The following CADM2 variants were observed in gnomAD, a reference collection of about 807,000 sequenced individuals.
CADM2 encodes the protein immunoglobulin superfamily member 4D.
A neutral mutation model predicts 49.8 loss-of-function variants in CADM2; 12 were observed. The ratio of observed to expected loss-of-function variants is 0.24; its 90% CI spans 0.15 to 0.39. The LOEUF is 0.39. Among genes scored for constraint, CADM2 ranks in the 10% least tolerant of loss-of-function variants. CADM2 has a pLI of 1.00. For missense variants in CADM2, 378 were observed against 492.3 expected, an observed-to-expected ratio of 0.77 and a Z score of 2.20; for synonymous variants, 214 against 175.4, an observed-to-expected ratio of 1.22 and a Z score of -1.74.
rs1447076986 is a variant in CADM2 at position 85,883,452 on chromosome 3, A to G, written c.391+9A>G. On this transcript the variant is annotated intron_variant, in intron 4 of 9. Coordinates refer to ENST00000383699, the MANE Select transcript of CADM2 (RefSeq NM_001167675.2). Reference sequence around the variant, plus strand: ...ATATCTCACCGTTCTGGGTAAGTGCAAGGGACTAACACCATGTAATCACAA... The same window carrying G: ...ATATCTCACCGTTCTGGGTAAGTGCGAGGGACTAACACCATGTAATCACAA... 6.2e-7 allele frequency: 1 copy of G among 1,611,410 alleles called. No homozygotes were observed.
At chr3:85,482,375 G>C (rs2039249574) in intron 1 of CADM2, among the ~76,000 whole-genome samples, 1 of 151,776 alleles carries the variant, frequency 6.6e-6, no homozygotes, top group Non-Finnish European at 1.5e-5. Flanking sequence ...TTGAGAGTTT[G>C]TCAGAGACTT....
intron 1 of CADM2, among the ~76,000 whole-genome samples, chr3:85,006,556 TCTG>T (rs2033739351): frequency 6.6e-6 from 1 of 152,192 alleles, no homozygotes; most frequent in Non-Finnish European, 1.5e-5. Flanking sequence ...TACCTAGGTC[TCTG>T]GCTGGAACTT....
chr3:85,226,987 G>A (rs1023226538), intron 1 of CADM2, among the ~76,000 whole-genome samples: 7 of 152,164 alleles, frequency 4.6e-5, no homozygotes, highest in African/African-American at 1.7e-4. Flanking sequence ...TGTGGTCTAA[G>A]AGATGGTTGG....
intron 1 of CADM2, among the ~76,000 whole-genome samples, chr3:85,021,147 GA>G (rs1245314698): frequency 3.2e-4 from 47 of 144,940 alleles, no homozygotes; most frequent in Non-Finnish European, 6.1e-4. Context: ...GGAAAAAAAA[GA>G]AAAAAAGAGA....
chr3:85,296,575 A>C (rs113789419), intron 1 of CADM2, among the ~76,000 whole-genome samples: 4 of 152,074 alleles, frequency 2.6e-5, no homozygotes, highest in African/African-American at 9.7e-5. Context: ...ATACAGAAAC[A>C]CAGATATATT....
At chr3:85,363,743 C>T (rs2032532417) in intron 1 of CADM2, among the ~76,000 whole-genome samples, 1 of 152,190 alleles carries the variant, frequency 6.6e-6, no homozygotes. Context: ...TCCCGAATAG[C>T]TGGGACTACA....
At chr3:85,103,216 G>A (rs116036270) in intron 1 of CADM2, among the ~76,000 whole-genome samples, 243 of 152,250 alleles carry the variant, frequency 1.6e-3, no homozygotes, top group African/African-American at 5.4e-3. Context: ...CAACAGATCA[G>A]AGGTTTCAGA....
At chr3:85,509,176 A>G (rs1197345839) in intron 1 of CADM2, among the ~76,000 whole-genome samples, 2 of 152,266 alleles carry the variant, frequency 1.3e-5, no homozygotes, top group Non-Finnish European at 2.9e-5. Context: ...CTGAACTAAA[A>G]CTTACCTAAG....
At chr3:85,892,339 A>C (rs75734729) in intron 5 of CADM2, among the ~76,000 whole-genome samples, 2,326 of 152,304 alleles carry the variant, frequency 0.015, 53 homozygotes, top group African/African-American at 0.053. Flanking sequence ...AATGAGAGGC[A>C]GTAGGAGAAA....
At chr3:85,186,192 A>G (rs2041058768) in intron 1 of CADM2, among the ~76,000 whole-genome samples, 1 of 152,052 alleles carries the variant, frequency 6.6e-6, no homozygotes, top group African/African-American at 2.4e-5. Flanking sequence ...TATGAACGTT[A>G]TTTTCTTTTC....
chr3:85,681,157 C>T (rs1273615128), intron 1 of CADM2, among the ~76,000 whole-genome samples: 2 of 151,986 alleles, frequency 1.3e-5, no homozygotes, highest in Non-Finnish European at 2.9e-5. Context: ...ACACTGGGGC[C>T]TAAATGTAGA....
At chr3:85,088,467 G>C (rs909073624) in intron 1 of CADM2, among the ~76,000 whole-genome samples, 1 of 151,882 alleles carries the variant, frequency 6.6e-6, no homozygotes, top group African/African-American at 2.4e-5. Context: ...TACCTTTTGG[G>C]GCACTATTAA....
chr3:85,485,534 G>T (rs540703472), intron 1 of CADM2, among the ~76,000 whole-genome samples: 1 of 152,034 alleles, frequency 6.6e-6, no homozygotes, highest in East Asian at 1.9e-4. Context: ...TCCTGCATGC[G>T]CAGTCTGCCA....
chr3:85,606,405 G>A (rs1201505896), intron 1 of CADM2, among the ~76,000 whole-genome samples: 2 of 152,032 alleles, frequency 1.3e-5, no homozygotes, highest in South Asian at 4.1e-4. Flanking sequence ...AAATTGGAGT[G>A]CCCGCAGCTT....
chr3:86,055,092 TA>T (rs1285677732), intron 8 of CADM2, among the ~76,000 whole-genome samples: 2 of 152,194 alleles, frequency 1.3e-5, no homozygotes, highest in Non-Finnish European at 2.9e-5. Context: ...TTTTAGCATA[TA>T]TTTTTTTCTG....
At position 85,873,017 on chromosome 3, in the gene CADM2, T is replaced by G. The variant is rs994357201; in HGVS notation, c.239-10274T>G. On this transcript the variant is annotated intron_variant, in intron 3 of 9. Transcript: ENST00000383699. ...TGGCTCATGGTTCTGGAGGCTGAAG[T>G]GTAAGAACATGGTGCTGGCATCTGG... Among the ~76,000 whole-genome samples the G allele has an allele frequency of 3.9e-5, 6 of 152,266 alleles. No homozygotes were observed. The East Asian group carries it at 1.2e-3, about 29-fold the overall frequency.
chr3:85,009,499 A>G (rs1327393380), intron 1 of CADM2, among the ~76,000 whole-genome samples: 2 of 152,150 alleles, frequency 1.3e-5, no homozygotes, highest in African/African-American at 2.4e-5. Context: ...ATTGATTCCA[A>G]TTACCTATAT....
intron 1 of CADM2, among the ~76,000 whole-genome samples, chr3:85,288,795 C>A (rs889973864): frequency 9.1e-5 from 12 of 131,354 alleles, no homozygotes; most frequent in African/African-American, 3.0e-4. Context: ...CCCCCCCCCC[C>A]TCTTTTTTTC....
At chr3:85,104,660 C>A (rs533675360) in intron 1 of CADM2, among the ~76,000 whole-genome samples, 15 of 152,144 alleles carry the variant, frequency 9.9e-5, no homozygotes, top group Admixed American at 6.5e-5. Context: ...TTAACTTGGG[C>A]AGTATGGCCA....
Sources: allele counts gnomAD v4.1 joint callset (sites outside exome capture counted in the v4.1 genomes callset), GRCh38; gene constraint gnomAD v4.1.1; transcripts MANE v1.5; gene names NCBI Gene and HGNC (gene_info 2026-07-23, HGNC 2026-07-21).